SCML4: variants seen among roughly 807,000 people sequenced by gnomAD.
SCML4 encodes the protein sex comb on midleg-like protein 4.
SCML4 carries 34 observed loss-of-function variants against 41.1 expected under a neutral mutation model. That is an observed-to-expected ratio of 0.83 (90% CI 0.63 to 1.10). The LOEUF (loss-of-function observed/expected upper bound fraction) is 1.10, where lower values mean the gene tolerates loss of function less well. Among genes scored for constraint, SCML4 ranks in the 50% least tolerant of loss-of-function variants. The pLI, the probability that SCML4 is intolerant of heterozygous loss-of-function variation, is 0.00. For synonymous variants in SCML4, 214 were observed against 220.9 expected (o/e 0.97, Z 0.28); for missense variants, 522 against 534.1 (o/e 0.98, Z 0.22).
At chr6:107,720,334 T>C (rs1487670975) in intron 6 of SCML4, 28 of 966,826 alleles carry the variant, frequency 2.9e-5, no homozygotes, top group Non-Finnish European at 3.2e-5. Context: ...GCATGAAGGC[T>C]GTAGAGGGTG....
In SCML4 at chr6:107,720,981, G is replaced by A; in HGVS notation, c.695C>T (p.Thr232Ile). The A allele has an allele frequency of 6.2e-7, 1 of 1,610,244 alleles. No homozygotes were observed. The change falls in exon 6 of 8, where the codon ACC becomes ATC. Residue 232 changes from threonine to isoleucine, a missense_variant. Coordinates refer to ENST00000369020, the MANE Select transcript of SCML4 (RefSeq NM_198081.5). ...EGRMESVKTV[T>I]TEEYLVNPVG... ...AGGGTTCACCAGGTACTCTTCGGTG[G>A]TGACTGTCTTGACTAAGCAATAAGG...
chr6:107,817,620 C>CAAAAA lies in SCML4; in HGVS notation c.-60+6501_-60+6505dup, dbSNP rs35621962. ...TGGGCAACAGAGGAAGACTTCATCT[C>CAAAAA]AAAAAAAAAAAAAAAGAAAAAAAAA... On this transcript the variant is annotated intron_variant, in intron 1 of 7. Coordinates refer to ENST00000369020, the MANE Select transcript of SCML4 (RefSeq NM_198081.5). Among the ~76,000 whole-genome samples the CAAAAA allele has an allele frequency of 1.4e-3, 63 of 45,972 alleles. 5 individuals are homozygous for CAAAAA. Among genetic ancestry groups the CAAAAA allele is most frequent in the African/African-American group, 6.7e-3 (48 of 7,200 alleles). 30.2% of individuals were successfully genotyped at this position (45,972 alleles called of 152,430 possible).
At chr6:107,784,280 C>T (rs78467568) in intron 1 of SCML4, among the ~76,000 whole-genome samples, 2,482 of 152,182 alleles carry the variant, frequency 0.016, 49 homozygotes, top group East Asian at 0.11. Context: ...CACCTGCAGG[C>T]AAAACCCGTA....
At chr6:107,823,263 C>T (rs1785080011) in intron 1 of SCML4, among the ~76,000 whole-genome samples, 1 of 152,168 alleles carries the variant, frequency 6.6e-6, no homozygotes, top group Non-Finnish European at 1.5e-5. Context: ...CTCTCGTTCA[C>T]GATCACAGAT....
intron 1 of SCML4, among the ~76,000 whole-genome samples, chr6:107,815,621 G>A (rs1784504556): frequency 6.6e-6 from 1 of 152,238 alleles, no homozygotes; most frequent in Admixed American, 6.5e-5. Context: ...CCCAACCTGA[G>A]CTTCTTGGGG....
At chr6:107,823,666 C>A (rs978619179) in intron 1 of SCML4, among the ~76,000 whole-genome samples, 1 of 151,988 alleles carries the variant, frequency 6.6e-6, no homozygotes, top group Admixed American at 6.6e-5. Flanking sequence ...TCATAACATA[C>A]CAATTTTAAT....
chr6:107,838,269 G>T, the SCML4 span, among the ~76,000 whole-genome samples: 2 of 152,210 alleles, frequency 1.3e-5, no homozygotes, highest in Non-Finnish European at 2.9e-5. Context: ...CAGGTAACAG[G>T]GCAGGGCTCA....
intron 2 of SCML4, among the ~76,000 whole-genome samples, chr6:107,763,381 T>G (rs1337698330): frequency 2.0e-5 from 2 of 99,526 alleles, no homozygotes; most frequent in Non-Finnish European, 4.9e-5. Context: ...CATGTTCTTG[T>G]TTTTTTTTTT....
At chr6:107,840,838 G>C in the SCML4 span, among the ~76,000 whole-genome samples, 3 of 152,126 alleles carry the variant, frequency 2.0e-5, no homozygotes, top group Non-Finnish European at 2.9e-5. Flanking sequence ...AGTGGGACGG[G>C]GGTAAGGTGG....
upstream of SCML4, among the ~76,000 whole-genome samples, chr6:107,827,538 A>C (rs193126293): frequency 6.6e-5 from 10 of 152,274 alleles, no homozygotes; most frequent in African/African-American, 1.9e-4. Context: ...AAGAAAAAAG[A>C]AATTTGATGG....
chr6:107,831,568 GGAGGAAAGAA>G, the SCML4 span, among the ~76,000 whole-genome samples: 1 of 152,136 alleles, frequency 6.6e-6, no homozygotes. Flanking sequence ...GGAGAATAGA[GGAGGAAAGAA>G]GAGGGAAGTA....
intron 1 of SCML4, among the ~76,000 whole-genome samples, chr6:107,777,080 T>A (rs187863066): frequency 1.3e-5 from 2 of 152,208 alleles, no homozygotes; most frequent in Non-Finnish European, 1.5e-5. Flanking sequence ...AAGATGCTCT[T>A]CCTTTCCTCT....
At chr6:107,735,484 T>TA (rs1776969869) in intron 5 of SCML4, among the ~76,000 whole-genome samples, 3 of 152,088 alleles carry the variant, frequency 2.0e-5, no homozygotes, top group Admixed American at 2.0e-4. Context: ...AAGTTTTTTT[T>TA]ATTGTGGTAA....
intron 2 of SCML4, among the ~76,000 whole-genome samples, chr6:107,751,076 G>A (rs1345187583): frequency 3.9e-5 from 6 of 152,140 alleles, no homozygotes; most frequent in Non-Finnish European, 8.8e-5. Context: ...CAGCTGCTAC[G>A]GAAACAGCAG....
At chr6:107,770,669 T>C (rs1780443254) in intron 2 of SCML4, among the ~76,000 whole-genome samples, 1 of 152,182 alleles carries the variant, frequency 6.6e-6, no homozygotes, top group South Asian at 2.1e-4. Context: ...GTGTCATGAG[T>C]GCTGAAAACT....
the SCML4 span, among the ~76,000 whole-genome samples, chr6:107,839,329 AAGAG>A: frequency 2.0e-5 from 1 of 49,056 alleles, no homozygotes; most frequent in Non-Finnish European, 5.4e-5. Context: ...GAAAGAAAGA[AAGAG>A]AGAGAGAAAA....
At chr6:107,821,609 C>T (rs2114313470) in intron 1 of SCML4, among the ~76,000 whole-genome samples, 1 of 152,270 alleles carries the variant, frequency 6.6e-6, no homozygotes, top group South Asian at 2.1e-4. Context: ...AATCTGAGGG[C>T]TCAGGGGAAG....
At chr6:107,788,876 G>A (rs1782107960) in intron 1 of SCML4, among the ~76,000 whole-genome samples, 1 of 152,222 alleles carries the variant, frequency 6.6e-6, no homozygotes, top group African/African-American at 2.4e-5. Context: ...CAGAATGGGT[G>A]AAAGAGTGGG....
chr6:107,843,680 G>A, the SCML4 span, among the ~76,000 whole-genome samples: 3 of 152,214 alleles, frequency 2.0e-5, no homozygotes, highest in African/African-American at 7.2e-5. Context: ...TGGGATTGTA[G>A]AAGAGCACTG....
Sources: gnomAD v4.1 joint callset for allele counts (sites outside exome capture counted in the v4.1 genomes callset) on GRCh38, gnomAD v4.1.1 for gene constraint, MANE v1.5 for transcripts, NCBI Gene and HGNC (gene_info 2026-07-23, HGNC 2026-07-21) for gene names.